The following PTPRD variants were observed in gnomAD, a reference collection of about 807,000 sequenced individuals.
PTPRD encodes the protein protein tyrosine phosphatase receptor type D, also known as receptor-type tyrosine-protein phosphatase delta.
In PTPRD, 34 loss-of-function variants were observed where a neutral mutation model predicts 214.5. The ratio of observed to expected loss-of-function variants is 0.16; its 90% CI spans 0.12 to 0.21. The LOEUF (loss-of-function observed/expected upper bound fraction) is 0.21, where lower values mean the gene tolerates loss of function less well. Among genes scored for constraint, PTPRD ranks in the 10% least tolerant of loss-of-function variants. The probability of loss-of-function intolerance (pLI) is 1.00; values close to 1 mark genes in which losing one functional copy is unlikely to be tolerated. For synonymous variants in PTPRD, 1,128 were observed against 845.7 expected (o/e 1.33, Z -5.79); for missense variants, 2,545 against 2,398.7 (o/e 1.06, Z -1.27).
At chr9:8,410,741 C>G (rs2093444457) in intron 35 of PTPRD, among the ~76,000 whole-genome samples, 1 of 152,116 alleles carries the variant, frequency 6.6e-6, no homozygotes, top group Non-Finnish European at 1.5e-5. Context: ...TGATAAAATG[C>G]ATCAGCTTTA....
At chr9:9,268,329 T>C (rs1013958385) in intron 9 of PTPRD, among the ~76,000 whole-genome samples, 1 of 150,296 alleles carries the variant, frequency 6.7e-6, no homozygotes, top group Non-Finnish European at 1.5e-5. Context: ...ATCTGTATAA[T>C]GAAAATATAA....
chr9:8,913,768 C>T (rs142154206), intron 11 of PTPRD, among the ~76,000 whole-genome samples: 16 of 152,156 alleles, frequency 1.1e-4, no homozygotes, highest in East Asian at 3.9e-4. Context: ...TGCAAATAAA[C>T]GTATACTTAT....
chr9:10,306,697 T>C (rs998541686), intron 3 of PTPRD, among the ~76,000 whole-genome samples: 1 of 152,050 alleles, frequency 6.6e-6, no homozygotes, highest in African/African-American at 2.4e-5. Context: ...CCAACCAGAG[T>C]CTCAAAATTC....
In PTPRD at chr9:10,110,699, A is replaced by C. The variant is rs1363139718; in HGVS notation, c.-544-76909T>G. Among the ~76,000 whole-genome samples, 3 of 152,334 alleles carry C rather than the reference A, an allele frequency of 2.0e-5. No homozygotes were observed. In the South Asian group the frequency reaches 6.2e-4, roughly 32 times the overall value. ...TTACTGACTGGGCATTGGCCTATCC[A>C]ATCCGTAAAAGGTTGGCAAAAATTA... On this transcript the variant is annotated intron_variant, in intron 3 of 45. Coordinates refer to ENST00000381196, the MANE Select transcript of PTPRD (RefSeq NM_002839.4).
intron 3 of PTPRD, among the ~76,000 whole-genome samples, chr9:10,276,922 T>G (rs1329033412): frequency 1.3e-5 from 2 of 152,164 alleles, no homozygotes; most frequent in African/African-American, 4.8e-5. Flanking sequence ...AATCTAAATG[T>G]AATGCGAGAA....
chr9:8,782,732 G>T (rs755996679), intron 11 of PTPRD, among the ~76,000 whole-genome samples: 24 of 151,758 alleles, frequency 1.6e-4, no homozygotes, highest in Non-Finnish European at 2.9e-4. Flanking sequence ...GGAGTAGCTG[G>T]GATTACAGGC....
chr9:10,575,655 T>C (rs889101648), intron 2 of PTPRD, among the ~76,000 whole-genome samples: 4 of 152,116 alleles, frequency 2.6e-5, no homozygotes, highest in African/African-American at 9.7e-5. Flanking sequence ...AAAGTGGTCA[T>C]TTATGGTGAT....
intron 3 of PTPRD, among the ~76,000 whole-genome samples, chr9:10,176,343 G>A (rs2099248665): frequency 6.6e-6 from 1 of 151,066 alleles, no homozygotes; most frequent in East Asian, 2.0e-4. Context: ...TAAAAAGCTA[G>A]GCATTTTAAA....
At chr9:9,343,555 G>C (rs1484407245) in intron 9 of PTPRD, among the ~76,000 whole-genome samples, 2 of 152,090 alleles carry the variant, frequency 1.3e-5, no homozygotes. Flanking sequence ...TCCAAATGAG[G>C]TTTGAATTAC....
rs560284346 is a variant in PTPRD at position 10,332,485 on chromosome 9, AC to A, written c.-545+8477del. Among the ~76,000 whole-genome samples, 244 of 151,876 alleles carry A rather than the reference AC, an allele frequency of 1.6e-3. 2 individuals carry two copies. Among genetic ancestry groups the A allele is most frequent in the African/African-American group, 5.6e-3 (231 of 41,488 alleles). ...TTCAGATTAGTGAGCAGAGAAAAAA[AC>A]ATCTTTGACTTTCGAACCCATATGT... is the stretch of plus-strand genomic sequence containing the variant. On this transcript the variant is annotated intron_variant, in intron 3 of 45. Transcript: ENST00000381196.
At chr9:10,321,075 C>G (rs1323032166) in intron 3 of PTPRD, among the ~76,000 whole-genome samples, 2 of 152,008 alleles carry the variant, frequency 1.3e-5, no homozygotes, top group African/African-American at 4.8e-5. Flanking sequence ...AATTTACACA[C>G]TGGGTGGAAA....
rs34457270 is a variant in PTPRD at position 8,492,614 on chromosome 9, CAAAAAA to C, written c.2467+242_2467+247del. ...CAGTGCCTGACACACAGAAGGTGCT[CAAAAAA>C]AAAAAAAAAAAAAATACTTATTGAA... On this transcript the variant is annotated intron_variant, in intron 27 of 45. Transcript: ENST00000381196. 1.1e-4 allele frequency among the ~76,000 whole-genome samples: 12 copies of C among 104,610 alleles called. No homozygotes were observed. The South Asian group carries it at 2.4e-3, about 21-fold the overall frequency. The allele number at this position is 104,610 out of a possible 152,430, so 68.6% of individuals were successfully genotyped here. A position where few individuals can be genotyped will look rare whatever the true frequency, so the allele number is the denominator to read the frequency against.
At chr9:9,611,651 A>C (rs2094520455) in intron 7 of PTPRD, among the ~76,000 whole-genome samples, 1 of 151,994 alleles carries the variant, frequency 6.6e-6, no homozygotes, top group Non-Finnish European at 1.5e-5. Context: ...ACACACACAC[A>C]CCCACGTGTG....
intron 2 of PTPRD, among the ~76,000 whole-genome samples, chr9:10,431,545 G>A (rs560053637): frequency 4.1e-4 from 62 of 151,666 alleles, no homozygotes; most frequent in Admixed American, 2.7e-3. Flanking sequence ...ATCTGACAAA[G>A]GGCTAATATC....
chr9:9,365,591 T>C (rs2057655136), intron 9 of PTPRD, among the ~76,000 whole-genome samples: 1 of 151,462 alleles, frequency 6.6e-6, no homozygotes, highest in East Asian at 2.0e-4. Context: ...TGGACAGCTG[T>C]TCATACTGGT....
chr9:9,636,615 C>T (rs1431049076), intron 7 of PTPRD, among the ~76,000 whole-genome samples: 1 of 152,132 alleles, frequency 6.6e-6, no homozygotes, highest in Admixed American at 6.6e-5. Context: ...TCTTCTTTTT[C>T]CTCTGGATAT....
chr9:10,402,462 A>G (rs2098284975), intron 2 of PTPRD, among the ~76,000 whole-genome samples: 2 of 151,874 alleles, frequency 1.3e-5, no homozygotes, highest in Admixed American at 6.6e-5. Context: ...AAGATGAGAA[A>G]ATAGCAAATC....
chr9:9,364,792 G>T (rs1399360499), intron 9 of PTPRD, among the ~76,000 whole-genome samples: 1 of 151,464 alleles, frequency 6.6e-6, no homozygotes, highest in Middle Eastern at 3.2e-3. Context: ...TTTGAGGTGA[G>T]GAGTGATGTG....
At chr9:9,531,212 C>T (rs2075384614) in intron 8 of PTPRD, among the ~76,000 whole-genome samples, 1 of 152,060 alleles carries the variant, frequency 6.6e-6, no homozygotes, top group African/African-American at 2.4e-5. Context: ...TATATCCATT[C>T]TGTAGAATGC....
Sources: allele counts gnomAD v4.1 joint callset (sites outside exome capture counted in the v4.1 genomes callset), GRCh38; gene constraint gnomAD v4.1.1; transcripts MANE v1.5; gene names NCBI Gene and HGNC (gene_info 2026-07-23, HGNC 2026-07-21).